Variants in LYZL2 observed in about 807,000 individuals in gnomAD.
The protein encoded by LYZL2 is lysozyme like 2.
A neutral mutation model predicts 17.1 loss-of-function variants in LYZL2; 13 were observed. That is an observed-to-expected ratio of 0.76 (90% CI 0.49 to 1.21). The LOEUF (loss-of-function observed/expected upper bound fraction) is 1.21, where lower values mean the gene tolerates loss of function less well. Ranked by LOEUF, LYZL2 falls within the 50% of genes most tolerant of loss-of-function variation. LYZL2 has a pLI of 0.00. For missense variants in LYZL2, 166 were observed against 189.2 expected, an observed-to-expected ratio of 0.88 and a Z score of 0.72; for synonymous variants, 63 against 74.4, an observed-to-expected ratio of 0.85 and a Z score of 0.79.
At chr10:30,616,517 CA>C (rs1838530334) in intron 3 of LYZL2, among the ~76,000 whole-genome samples, 3 of 152,210 alleles carry the variant, frequency 2.0e-5, no homozygotes, top group Admixed American at 1.3e-4. Flanking sequence ...CATCTCAAAA[CA>C]AACAATCAAA....
intron 1 of LYZL2, 142 bp from the exon 2 acceptor site, chr10:30,627,082 C>T (rs1289978552): frequency 2.4e-6 from 3 of 1,263,246 alleles, no homozygotes; most frequent in East Asian, 5.0e-5. Context: ...ACCGGCCACT[C>T]TACGGTCCAG....
intron 3 of LYZL2, among the ~76,000 whole-genome samples, chr10:30,618,455 A>G (rs376961631): frequency 3.3e-5 from 5 of 152,256 alleles, no homozygotes; most frequent in African/African-American, 1.2e-4. Context: ...CCAAAACAGC[A>G]TGGTACTGGT....
At chr10:30,625,070 A>G (rs1838681951) in intron 3 of LYZL2, among the ~76,000 whole-genome samples, 1 of 152,112 alleles carries the variant, frequency 6.6e-6, no homozygotes. Flanking sequence ...GAACTCTGCC[A>G]AAACCCAAAT....
chr10:30,619,658 C>T (rs1838588693), intron 3 of LYZL2, among the ~76,000 whole-genome samples: 1 of 142,158 alleles, frequency 7.0e-6, no homozygotes, highest in Admixed American at 7.5e-5. Flanking sequence ...AGGGGAACAT[C>T]ACACACCGGG....
At chr10:30,610,118 G>A (rs1184722480), downstream of LYZL2, among the ~76,000 whole-genome samples, 2 of 41,114 alleles carry the variant, frequency 4.9e-5, no homozygotes, top group Non-Finnish European at 1.0e-4. Context: ...AATAGCTGAT[G>A]AGCTAAAAAA....
At position 30,619,269 on chromosome 10, in the gene LYZL2, C is replaced by G. The variant is rs552950560; in HGVS notation, c.299-6369G>C. 4.6e-3 allele frequency among the ~76,000 whole-genome samples: 693 copies of G among 152,306 alleles called. 7 individuals are homozygous for G. Among genetic ancestry groups the G allele is most frequent in the African/African-American group, 0.016 (668 of 41,560 alleles). On this transcript the variant is annotated intron_variant, in intron 3 of 4. Transcript: ENST00000647634. Reference sequence around the variant, plus strand: ...TCAACCATTGTGGAAGTCAGTGTGGCAATTCCTCAGGGATCTAGAACTAGA... The same window carrying G: ...TCAACCATTGTGGAAGTCAGTGTGGGAATTCCTCAGGGATCTAGAACTAGA...
chr10:30,610,855 C>T (rs1838423111), downstream of LYZL2, among the ~76,000 whole-genome samples: 1 of 152,100 alleles, frequency 6.6e-6, no homozygotes, highest in African/African-American at 2.4e-5. Flanking sequence ...AACTAAAAAC[C>T]TTCATGAGAA....
chr10:30,610,810 C>T (rs1838422474), downstream of LYZL2, among the ~76,000 whole-genome samples: 2 of 152,090 alleles, frequency 1.3e-5, no homozygotes, highest in African/African-American at 2.4e-5. Context: ...TCATGGAAAA[C>T]TTGGAAAATG....
intron 1 of LYZL2, among the ~76,000 whole-genome samples, chr10:30,628,171 G>C (rs1253693547): frequency 6.6e-6 from 1 of 151,478 alleles, no homozygotes; most frequent in African/African-American, 2.4e-5. Context: ...AAAAAAAAAA[G>C]ATTCATCGTT....
chr10:30,622,486 G>T (rs943289564), intron 3 of LYZL2, among the ~76,000 whole-genome samples: 40 of 150,336 alleles, frequency 2.7e-4, no homozygotes, highest in African/African-American at 9.7e-4. Flanking sequence ...GAGGCAGAGG[G>T]TGCAATGAGC....
downstream of LYZL2, among the ~76,000 whole-genome samples, chr10:30,610,981 G>A (rs1838425029): frequency 6.6e-6 from 1 of 152,060 alleles, no homozygotes; most frequent in Non-Finnish European, 1.5e-5. Flanking sequence ...TGGTCCTTCT[G>A]GGGTACTCTT....
intron 3 of LYZL2, among the ~76,000 whole-genome samples, chr10:30,622,582 A>G (rs1838642415): frequency 6.6e-6 from 1 of 152,126 alleles, no homozygotes; most frequent in Non-Finnish European, 1.5e-5. Context: ...AAGAAAAAGA[A>G]AAAACTAGTC....
chr10:30,614,568 A>G (rs1588673532), intron 3 of LYZL2, among the ~76,000 whole-genome samples: 1 of 152,202 alleles, frequency 6.6e-6, no homozygotes, highest in Non-Finnish European at 1.5e-5. Context: ...CATCTCCATG[A>G]CCACCACAAC....
At chr10:30,627,381 A>G (rs547074047) in intron 1 of LYZL2, among the ~76,000 whole-genome samples, 5 of 152,008 alleles carry the variant, frequency 3.3e-5, no homozygotes, top group Non-Finnish European at 7.4e-5. Context: ...ACCCCGAGAC[A>G]GCAAGACCAA....
At chr10:30,610,750 A>AT (rs950152378), downstream of LYZL2, among the ~76,000 whole-genome samples, 5 of 149,042 alleles carry the variant, frequency 3.4e-5, no homozygotes, top group African/African-American at 9.9e-5. Flanking sequence ...TTATTTATTT[A>AT]TTTTTTTTTC....
At chr10:30,627,785 G>C (rs1365727425) in intron 1 of LYZL2, among the ~76,000 whole-genome samples, 1 of 152,142 alleles carries the variant, frequency 6.6e-6, no homozygotes, top group African/African-American at 2.4e-5. Flanking sequence ...ATTTGTTCAA[G>C]GATCAACTGG....
intron 3 of LYZL2, among the ~76,000 whole-genome samples, chr10:30,613,215 C>T (rs1838473346): frequency 1.3e-5 from 2 of 152,236 alleles, no homozygotes; most frequent in African/African-American, 4.8e-5. Context: ...GAAATAGGCA[C>T]AGGCCGGGCG....
At chr10:30,615,051 C>T (rs1262743327) in intron 3 of LYZL2, among the ~76,000 whole-genome samples, 1 of 152,134 alleles carries the variant, frequency 6.6e-6, no homozygotes, top group Non-Finnish European at 1.5e-5. Context: ...ATGTTAAGTT[C>T]CCAATATCAT....
At chr10:30,624,103 TGA>T (rs1322279058) in intron 3 of LYZL2, among the ~76,000 whole-genome samples, 1 of 152,160 alleles carries the variant, frequency 6.6e-6, no homozygotes, top group African/African-American at 2.4e-5. Context: ...TATAGTTTTG[TGA>T]GAGAGGGTGC....
Sources: allele counts gnomAD v4.1 joint callset (sites outside exome capture counted in the v4.1 genomes callset), GRCh38; gene constraint gnomAD v4.1.1; transcripts MANE v1.5; gene names NCBI Gene and HGNC (gene_info 2026-07-23, HGNC 2026-07-21).